PARP11: variants seen among roughly 807,000 people sequenced by gnomAD.
The protein encoded by PARP11 is protein mono-ADP-ribosyltransferase PARP11.
In PARP11, 31 loss-of-function variants were observed where a neutral mutation model predicts 42.9. That is an observed-to-expected ratio of 0.72 (90% CI 0.54 to 0.98). PARP11 has a LOEUF of 0.98. Ranked by LOEUF, PARP11 falls within the 50% of genes least tolerant of loss-of-function variation. The pLI is 0.00. For synonymous variants in PARP11, 137 were observed against 127.3 expected (o/e 1.08, Z -0.51); for missense variants, 365 against 413.1 (o/e 0.88, Z 1.01).
intron 1 of PARP11, among the ~76,000 whole-genome samples, chr12:3,867,377 G>C (rs2138133356): frequency 6.6e-6 from 1 of 152,086 alleles, no homozygotes; most frequent in African/African-American, 2.4e-5. Context: ...TGGCTGTCAA[G>C]GAAAAAAGGT....
chr12:3,822,013 T>C lies in PARP11; in HGVS notation c.418-10A>G, dbSNP rs372499819. On this transcript the variant is annotated splice_polypyrimidine_tract_variant and intron_variant, in intron 5 of 7. Coordinates refer to ENST00000228820, the MANE Select transcript of PARP11 (RefSeq NM_020367.6). The stretch of plus-strand genomic sequence containing the variant: ...TGTGCAGAGGAATAAGCTGGAAAAA[T>C]AAATTTGCATAGATTTACTGCAGTC... 46 of 1,606,164 alleles carry C rather than the reference T, an allele frequency of 2.9e-5. No homozygotes were observed. The East Asian group carries it at 5.4e-4, about 19-fold the overall frequency.
intron 1 of PARP11, among the ~76,000 whole-genome samples, chr12:3,836,024 T>C (rs746885632): frequency 1.5e-4 from 23 of 151,718 alleles, no homozygotes; most frequent in African/African-American, 3.1e-4. Context: ...TATATATATA[T>C]ACACACACAC....
In PARP11 at chr12:3,840,534, C is replaced by A; in HGVS notation, c.19-10516G>T. The A allele has an allele frequency of 6.2e-7, 1 of 1,607,204 alleles. No individual in the cohort carries two copies. Reference sequence around the variant, plus strand: ...TCTCCAGTGAGCACAAAAATCTTAGCCGGACACCTTCACAGATCATAAGAA... The same window carrying A: ...TCTCCAGTGAGCACAAAAATCTTAGACGGACACCTTCACAGATCATAAGAA... On this transcript the variant is annotated intron_variant, in intron 1 of 7. Coordinates refer to ENST00000228820, the MANE Select transcript of PARP11 (RefSeq NM_020367.6). The surrounding 1 kb of genome is among the most constrained non-coding windows in gnomAD (Gnocchi z 4.4).
chr12:3,851,025 G>A (rs974092663), intron 1 of PARP11, among the ~76,000 whole-genome samples: 1 of 152,208 alleles, frequency 6.6e-6, no homozygotes, highest in Non-Finnish European at 1.5e-5. Context: ...CCACTTAATA[G>A]TATGCTGATC....
At chr12:3,843,293 G>A (rs950654781) in intron 1 of PARP11, among the ~76,000 whole-genome samples, 16 of 152,082 alleles carry the variant, frequency 1.1e-4, no homozygotes, top group Admixed American at 2.6e-4. Flanking sequence ...GTGCCTACTC[G>A]AAAGAAATGT....
chr12:3,820,846 C>T (rs1947377551), intron 6 of PARP11, among the ~76,000 whole-genome samples: 1 of 152,162 alleles, frequency 6.6e-6, no homozygotes, highest in South Asian at 2.1e-4. Context: ...CTATAAAGAA[C>T]ACAAGCTGAA....
Position 3,842,360 on chromosome 12 carries a change from G to A in PARP11, c.19-12342C>T, listed in dbSNP as rs543547938. The A allele has an allele frequency of 5.8e-5, 94 of 1,612,174 alleles. 1 individual carries two copies. In the South Asian group the frequency reaches 9.0e-4, roughly 15 times the overall value. On this transcript the variant is annotated intron_variant, in intron 1 of 7. Coordinates refer to ENST00000228820, the MANE Select transcript of PARP11 (RefSeq NM_020367.6). ...GATTGGGGCTATTCTGGTAGGGGCG[G>A]ATATCAACATGTGAGAAGTGAGGAG...
chr12:3,824,363 G>GA (rs1223836992), intron 4 of PARP11, among the ~76,000 whole-genome samples: 1 of 152,026 alleles, frequency 6.6e-6, no homozygotes, highest in African/African-American at 2.4e-5. Context: ...TTCTGTGAGG[G>GA]AAAAAAATGC....
At chr12:3,833,397 T>A (rs191519700) in intron 1 of PARP11, among the ~76,000 whole-genome samples, 55 of 152,116 alleles carry the variant, frequency 3.6e-4, no homozygotes, top group Admixed American at 3.6e-3. Flanking sequence ...GGCCAGGAGT[T>A]TGAGGCAAGC....
intron 1 of PARP11, among the ~76,000 whole-genome samples, chr12:3,865,386 G>GGT (rs1948373859): frequency 6.6e-6 from 1 of 152,058 alleles, no homozygotes; most frequent in South Asian, 2.1e-4. Context: ...AGTTGACAGT[G>GGT]GTGTTCAAGT....
intron 1 of PARP11, among the ~76,000 whole-genome samples, chr12:3,871,235 TTAAAG>T (rs1387694170): frequency 6.6e-6 from 1 of 152,228 alleles, no homozygotes; most frequent in Non-Finnish European, 1.5e-5. Flanking sequence ...TTAGGGGTTA[TTAAAG>T]TAAATTTATG....
At chr12:3,852,277 A>G (rs1345879056) in intron 1 of PARP11, among the ~76,000 whole-genome samples, 1 of 152,232 alleles carries the variant, frequency 6.6e-6, no homozygotes, top group African/African-American at 2.4e-5. Flanking sequence ...AGCTGGATGG[A>G]GAATGACTTT....
chr12:3,812,480 A>C (rs1041835328), intron 7 of PARP11, 41 bp from the exon 8 acceptor site: 1 of 1,449,456 alleles, frequency 6.9e-7, no homozygotes, highest in Non-Finnish European at 9.4e-7. Context: ...ATTACTCCGA[A>C]GAATATATTA....
intron 1 of PARP11, among the ~76,000 whole-genome samples, chr12:3,853,305 G>C (rs1037359812): frequency 2.6e-5 from 4 of 152,120 alleles, no homozygotes; most frequent in Non-Finnish European, 5.9e-5. Context: ...AAATATAAAT[G>C]AGCTAAATAC....
At chr12:3,833,846 C>CAGAGG (rs1469775475) in intron 1 of PARP11, among the ~76,000 whole-genome samples, 1 of 152,142 alleles carries the variant, frequency 6.6e-6, no homozygotes, top group East Asian at 1.9e-4. Context: ...AAAAGACAGG[C>CAGAGG]AGAGGGCTCC....
At chr12:3,817,497 T>A (rs890651148) in intron 6 of PARP11, among the ~76,000 whole-genome samples, 1 of 152,204 alleles carries the variant, frequency 6.6e-6, no homozygotes, top group Non-Finnish European at 1.5e-5. Context: ...TCACAGACTA[T>A]GACCTTGGTG....
rs1947157643 is a variant in PARP11 at position 3,810,726 on chromosome 12, GAA to G, written c.*1395_*1396del. On this transcript the variant is annotated 3_prime_UTR_variant, in exon 8 of 8. Coordinates refer to ENST00000228820, the MANE Select transcript of PARP11 (RefSeq NM_020367.6). ...AGAGAGAGAGAAGAGAAGAGAAAGA[GAA>G]AGAGAAAGAGGAAGAGAAAAAGGAA... The G allele has an allele frequency of 6.7e-6, 1 of 149,344 alleles. No individual in the cohort carries two copies. Among genetic ancestry groups the G allele is most frequent in the African/African-American group, 2.5e-5 (1 of 40,508 alleles). 9.3% of individuals were successfully genotyped at this position (149,344 alleles called of 1,614,324 possible). A position where few individuals can be genotyped will look rare whatever the true frequency, so the allele number is the denominator to read the frequency against.
intron 1 of PARP11, among the ~76,000 whole-genome samples, chr12:3,852,847 G>T (rs924831620): frequency 3.3e-5 from 5 of 152,106 alleles, no homozygotes; most frequent in Non-Finnish European, 7.3e-5. Context: ...CACCAAGGTT[G>T]AAATGAAGGA....
intron 1 of PARP11, among the ~76,000 whole-genome samples, chr12:3,846,178 TAAG>T (rs1441835088): frequency 6.6e-6 from 1 of 152,094 alleles, no homozygotes; most frequent in Non-Finnish European, 1.5e-5. Context: ...TTTGTAGCCT[TAAG>T]AAGTGTTTCA....
Sources: allele counts gnomAD v4.1 joint callset (sites outside exome capture counted in the v4.1 genomes callset), GRCh38; gene constraint gnomAD v4.1.1; non-coding constraint Gnocchi (gnomAD v3.1); transcripts MANE v1.5; gene names NCBI Gene and HGNC (gene_info 2026-07-23, HGNC 2026-07-21).